IL1A: variants seen among roughly 807,000 people sequenced by gnomAD.
IL1A encodes the protein interleukin-1 alpha.
In IL1A, 16 loss-of-function variants were observed where a neutral mutation model predicts 22.2. The ratio of observed to expected loss-of-function variants is 0.72; its 90% CI spans 0.49 to 1.09. IL1A has a LOEUF of 1.09. IL1A is among the 50% of genes least tolerant of loss of function. The probability of loss-of-function intolerance (pLI) is 0.00; values close to 1 mark genes in which losing one functional copy is unlikely to be tolerated. For missense variants in IL1A, 317 were observed against 321.8 expected (o/e 0.99, Z 0.11); for synonymous variants, 113 against 118.5 (o/e 0.95, Z 0.30).
At chr2:112,779,286 C>T (rs987113647) in intron 5 of IL1A, among the ~76,000 whole-genome samples, 1 of 152,176 alleles carries the variant, frequency 6.6e-6, no homozygotes, top group South Asian at 2.1e-4. Context: ...TAGGAAACTT[C>T]TCTCTTGTGG....
chr2:112,774,960 C>T lies in IL1A; in HGVS notation c.*107G>A. ...AACATTCATTTAGAATTACAAGGCTCAGTACATGCTCAGCAAATGACTAAC... is the reference window on the plus strand; with the variant it reads ...AACATTCATTTAGAATTACAAGGCTTAGTACATGCTCAGCAAATGACTAAC... On this transcript the variant is annotated 3_prime_UTR_variant, in exon 7 of 7. Transcript: ENST00000263339. 6.4e-6 allele frequency: 5 copies of T among 784,006 alleles called. No individual in the cohort carries two copies. Among genetic ancestry groups the T allele is most frequent in the Non-Finnish European group, 8.6e-6 (4 of 465,194 alleles). The allele number at this position is 784,006 out of a possible 1,614,324, so 48.6% of individuals were successfully genotyped here.
intron 4 of IL1A, among the ~76,000 whole-genome samples, chr2:112,780,356 T>A (rs534217356): frequency 8.1e-4 from 124 of 152,382 alleles, no homozygotes; most frequent in African/African-American, 2.8e-3. Context: ...ACCATAGTGC[T>A]GGCAGTAGTA....
intron 6 of IL1A, among the ~76,000 whole-genome samples, chr2:112,777,636 G>T (rs755563849): frequency 5.3e-5 from 8 of 152,178 alleles, no homozygotes; most frequent in African/African-American, 1.9e-4. Flanking sequence ...GCTTATTTGA[G>T]TTTCTTGGAG....
intron 5 of IL1A, 34 bp from the exon 6 acceptor site, chr2:112,778,145 T>C: frequency 6.3e-7 from 1 of 1,594,292 alleles, no homozygotes. Flanking sequence ...GAAAGTAAAT[T>C]CATTGTATTT....
intron 5 of IL1A, among the ~76,000 whole-genome samples, chr2:112,778,436 G>A (rs546881644): frequency 6.6e-6 from 1 of 152,164 alleles, no homozygotes; most frequent in Non-Finnish European, 1.5e-5. Flanking sequence ...ATAAGACCCT[G>A]TAATTTGTTA....
At chr2:112,783,155 A>G (rs573889973) in intron 2 of IL1A, among the ~76,000 whole-genome samples, 7 of 152,402 alleles carry the variant, frequency 4.6e-5, no homozygotes, top group Non-Finnish European at 1.0e-4. Context: ...TCACTAAAAC[A>G]GATTTCATAA....
chr2:112,775,117 CT>C lies in IL1A; in HGVS notation c.765del (p.Pro258HisfsTer27). ...AAGTCAGTGATAGAGGGTGGCCCCC[CT>C]GCCAAGCACACCCAGTAGTCTTGCT... ...ATKQDYWVCL[A>X]GGPPSITDFQ... On this transcript the variant is annotated frameshift_variant, in exon 7 of 7. Transcript: ENST00000263339. LOFTEE classifies it low-confidence loss of function (END_TRUNC). The C allele has an allele frequency of 1.9e-6, 3 of 1,614,172 alleles. No homozygotes were observed. The highest frequency in any genetic ancestry group is 1.7e-5 in the Admixed American group (1 of 60,026).
chr2:112,775,223 G>A lies in IL1A; in HGVS notation c.660C>T (p.Asn220=), dbSNP rs1681080528. ...IPKTITGSET[N]LLFFWETHGT... is the part of the protein sequence containing the mutation. ...CGTGAGTTTCCCAGAAGAAGAGGAG[G>A]TTGGTCTCACTACCTGTGATGGTTT... Residue 220 remains asparagine (N), a synonymous_variant, in exon 7 of 7, where the codon AAC becomes AAT. Coordinates refer to ENST00000263339, the MANE Select transcript of IL1A (RefSeq NM_000575.5). 1 of 1,614,078 alleles carries A rather than the reference G, an allele frequency of 6.2e-7. No individual in the cohort carries two copies. Among genetic ancestry groups the A allele is most frequent in the African/African-American group, 1.3e-5 (1 of 74,936 alleles).
intron 6 of IL1A, among the ~76,000 whole-genome samples, chr2:112,775,546 G>C (rs1346248556): frequency 6.6e-6 from 1 of 152,172 alleles, no homozygotes; most frequent in Non-Finnish European, 1.5e-5. Flanking sequence ...GTATCTTACT[G>C]TATCCAGGCA....
In IL1A at chr2:112,775,216, AGAG is replaced by A; in HGVS notation, c.664_666del (p.Leu222del). The A allele has an allele frequency of 6.2e-7, 1 of 1,614,232 alleles. No homozygotes were observed. The highest frequency in any genetic ancestry group is 1.1e-5 in the South Asian group (1 of 91,086). ...TTAGTGCCGTGAGTTTCCCAGAAGA[AGAG>A]GAGGTTGGTCTCACTACCTGTGATG... On this transcript the variant is annotated inframe_deletion, in exon 7 of 7. Transcript: ENST00000263339.
At chr2:112,779,144 G>T (rs1183944828) in intron 5 of IL1A, among the ~76,000 whole-genome samples, 2 of 152,132 alleles carry the variant, frequency 1.3e-5, no homozygotes, top group African/African-American at 4.8e-5. Flanking sequence ...ATTGGCTTCT[G>T]GGTAAATCTG....
chr2:112,779,719 T>C (rs1248420499), intron 4 of IL1A, 53 bp from the exon 5 acceptor site: 1 of 1,371,620 alleles, frequency 7.3e-7, no homozygotes, highest in East Asian at 2.3e-5. Flanking sequence ...ACACAGATGA[T>C]ATACACAGTC....
In IL1A at chr2:112,782,814, C is replaced by T. The variant is rs558492793; in HGVS notation, c.48-50G>A. The T allele has an allele frequency of 7.3e-6, 10 of 1,371,932 alleles. No homozygotes were observed. In the South Asian group the frequency reaches 1.1e-4, roughly 14 times the overall value. 85.0% of individuals were successfully genotyped at this position (1,371,932 alleles called of 1,614,324 possible). A position where few individuals can be genotyped will look rare whatever the true frequency, so the allele number is the denominator to read the frequency against. On this transcript the variant is annotated intron_variant, in intron 2 of 6. Coordinates refer to ENST00000263339, the MANE Select transcript of IL1A (RefSeq NM_000575.5). The stretch of plus-strand genomic sequence containing the variant: ...GTAATTGTTGTTATTTCAGTGTGGT[C>T]TCTGGCCAATGTACTTTAATGACCA...
chr2:112,781,332 A>G (rs1681194130), intron 4 of IL1A, among the ~76,000 whole-genome samples: 1 of 152,178 alleles, frequency 6.6e-6, no homozygotes, highest in Non-Finnish European at 1.5e-5. Context: ...AAGTGGTCTT[A>G]TTACTGCTTT....
At chr2:112,780,520 G>A (rs2104908995) in intron 4 of IL1A, among the ~76,000 whole-genome samples, 1 of 152,322 alleles carries the variant, frequency 6.6e-6, no homozygotes, top group East Asian at 1.9e-4. Context: ...GTAAAGGGAT[G>A]GAGGAGAAAC....
chr2:112,775,553 G>T (rs547415159), intron 6 of IL1A, among the ~76,000 whole-genome samples: 1 of 152,250 alleles, frequency 6.6e-6, no homozygotes, highest in South Asian at 2.1e-4. Context: ...ACTGTATCCA[G>T]GCAGGTAGGA....
chr2:112,775,380 G>A, intron 6 of IL1A, 113 bp from the exon 7 acceptor site: 3 of 729,668 alleles, frequency 4.1e-6, no homozygotes, highest in Non-Finnish European at 7.2e-6. Flanking sequence ...GACTATGGCT[G>A]TAACATGATG....
chr2:112,775,022 A>G lies in IL1A; in HGVS notation c.*45T>C, dbSNP rs746845332. 2.2e-5 allele frequency: 33 copies of G among 1,474,356 alleles called. No individual in the cohort carries two copies. The East Asian group carries it at 7.2e-4, about 32-fold the overall frequency. The allele number at this position is 1,474,356 out of a possible 1,614,324, so 91.3% of individuals were successfully genotyped here. A position where few individuals can be genotyped will look rare whatever the true frequency, so the allele number is the denominator to read the frequency against. ...TAGCTTCTTCATGTACATGGTACATATGAACTGTCAACACTGCACAAGTGA... is the reference window on the plus strand; with the variant it reads ...TAGCTTCTTCATGTACATGGTACATGTGAACTGTCAACACTGCACAAGTGA... On this transcript the variant is annotated 3_prime_UTR_variant, in exon 7 of 7. Coordinates refer to ENST00000263339, the MANE Select transcript of IL1A (RefSeq NM_000575.5).
chr2:112,781,415 G>A (rs1002089664), intron 4 of IL1A, among the ~76,000 whole-genome samples, 189 bp downstream of exon 4: 2 of 152,138 alleles, frequency 1.3e-5, no homozygotes, highest in African/African-American at 2.4e-5. Context: ...AAGTATTCTC[G>A]ATTCAGGCCA....
Sources: gnomAD v4.1 joint callset for allele counts (sites outside exome capture counted in the v4.1 genomes callset) on GRCh38, gnomAD v4.1.1 for gene constraint, MANE v1.5 for transcripts, NCBI Gene and HGNC (gene_info 2026-07-23, HGNC 2026-07-21) for gene names.